The following RORB variants were observed in gnomAD, a reference collection of about 807,000 sequenced individuals.
RORB encodes nuclear receptor ROR-beta.
Under a neutral mutation model 59.1 loss-of-function variants are expected in RORB, and 6 were observed. The observed-to-expected ratio is 0.10, with a 90% CI of 0.06 to 0.20. The LOEUF is 0.20. RORB is among the 10% of genes least tolerant of loss of function. The pLI, the probability that RORB is intolerant of heterozygous loss-of-function variation, is 1.00. For missense variants in RORB, 320 were observed against 560.5 expected, an observed-to-expected ratio of 0.57 and a Z score of 4.33; for synonymous variants, 215 against 204.5, an observed-to-expected ratio of 1.05 and a Z score of -0.44.
chr9:74,586,099 G>A (rs1422772712), intron 1 of RORB, among the ~76,000 whole-genome samples: 1 of 152,052 alleles, frequency 6.6e-6, no homozygotes, highest in African/African-American at 2.4e-5. Flanking sequence ...CAGCCTCACA[G>A]GACATATTTA....
chr9:74,573,066 A>T (rs1389629340), intron 1 of RORB, among the ~76,000 whole-genome samples: 1 of 152,212 alleles, frequency 6.6e-6, no homozygotes, highest in African/African-American at 2.4e-5. Context: ...TACTAAGTAT[A>T]TAACTTGAGG....
intron 1 of RORB, among the ~76,000 whole-genome samples, chr9:74,563,474 A>C (rs1822428774): frequency 6.6e-6 from 1 of 152,138 alleles, no homozygotes; most frequent in Admixed American, 6.5e-5. Flanking sequence ...ATGAGCCATC[A>C]TGCCTGGCCC....
intron 2 of RORB, among the ~76,000 whole-genome samples, chr9:74,633,824 A>T (rs1326723682): frequency 2.6e-5 from 4 of 152,206 alleles, no homozygotes; most frequent in African/African-American, 9.6e-5. Context: ...GAGACCATTC[A>T]TTCAGTTTTT....
At chr9:74,614,265 C>T (rs751706494) in intron 1 of RORB, among the ~76,000 whole-genome samples, 16 of 152,082 alleles carry the variant, frequency 1.1e-4, no homozygotes, top group Non-Finnish European at 2.2e-4. Context: ...TGGGGTAGTA[C>T]GGAGGGCTGA....
chr9:74,530,582 G>A (rs1826223144), intron 1 of RORB, among the ~76,000 whole-genome samples: 1 of 151,980 alleles, frequency 6.6e-6, no homozygotes. Context: ...ACGGCTTGTG[G>A]TTTGTAATTA....
chr9:74,690,859 A>G lies in RORB; in HGVS notation c.*5241A>G, dbSNP rs531825050. 4 of 152,302 alleles carry G rather than the reference A, an allele frequency of 2.6e-5. No individual in the cohort carries two copies. The highest frequency in any genetic ancestry group is 9.6e-5 in the African/African-American group (4 of 41,568). The allele number at this position is 152,302 out of a possible 1,614,324, so 9.4% of individuals were successfully genotyped here. A position where few individuals can be genotyped will look rare whatever the true frequency, so the allele number is the denominator to read the frequency against. ...TTGTCTTGCCCAAACTCCCTTCTTC[A>G]TAGAGCCAGGGGGCTGGATTTCTTG... On this transcript the variant is annotated 3_prime_UTR_variant, in exon 10 of 10. Transcript: ENST00000376896.
At chr9:74,646,135 A>C (rs1000386815) in intron 4 of RORB, among the ~76,000 whole-genome samples, 1 of 152,100 alleles carries the variant, frequency 6.6e-6, no homozygotes, top group African/African-American at 2.4e-5. Flanking sequence ...ACACCAAAAA[A>C]AAAAAAAATT....
At chr9:74,629,700 T>C (rs940718000) in intron 1 of RORB, among the ~76,000 whole-genome samples, 1 of 152,200 alleles carries the variant, frequency 6.6e-6, no homozygotes, top group African/African-American at 2.4e-5. Flanking sequence ...CATTAGCATA[T>C]GTTATCCTCC....
At chr9:74,661,636 C>CTTTTTTT (rs779927558) in intron 5 of RORB, among the ~76,000 whole-genome samples, 1 of 79,590 alleles carries the variant, frequency 1.3e-5, no homozygotes, top group Non-Finnish European at 2.3e-5. Context: ...TTCTTTTTTC[C>CTTTTTTT]TTTTTTTTTT....
chr9:74,618,064 G>T (rs953477315), intron 1 of RORB, among the ~76,000 whole-genome samples: 7 of 152,034 alleles, frequency 4.6e-5, no homozygotes, highest in Admixed American at 2.6e-4. Context: ...AATATATTTA[G>T]TCATTGTAGC....
chr9:74,642,880 T>C (rs554111716), intron 4 of RORB, 65 bp downstream of exon 4: 4 of 1,249,010 alleles, frequency 3.2e-6, no homozygotes, highest in Non-Finnish European at 4.4e-6. Flanking sequence ...CTTGGTCCTA[T>C]TTAGTATGGT....
rs1410226 is a variant in RORB, at chr9:74,690,779, A to T, written c.*5161A>T. The T allele has an allele frequency of 6.6e-6, 1 of 152,114 alleles. No individual in the cohort carries two copies. The highest frequency in any genetic ancestry group is 1.9e-4 in the East Asian group (1 of 5,166). The allele number at this position is 152,114 out of a possible 1,614,324, so 9.4% of individuals were successfully genotyped here. A position where few individuals can be genotyped will look rare whatever the true frequency, so the allele number is the denominator to read the frequency against. ...GAGGTCAGTTTAAAAAATAGCAAAC[A>T]GTCTAAAAATGAAAACTATTCAATT... On this transcript the variant is annotated 3_prime_UTR_variant, in exon 10 of 10. Transcript: ENST00000376896.
Position 74,689,566 on chromosome 9 carries a change from G to T in RORB, c.*3948G>T, listed in dbSNP as rs943069070. The T allele has an allele frequency of 1.4e-4, 22 of 152,218 alleles. No individual in the cohort carries two copies. Among genetic ancestry groups the T allele is most frequent in the African/African-American group, 4.8e-4 (20 of 41,454 alleles). 9.4% of individuals were successfully genotyped at this position (152,218 alleles called of 1,614,324 possible). ...CAGAGAATATAACGATCTCCTGAGT[G>T]ATTAGATTTCTTTGGTAGATTCCAA... On this transcript the variant is annotated 3_prime_UTR_variant, in exon 10 of 10. Coordinates refer to ENST00000376896, the MANE Select transcript of RORB (RefSeq NM_006914.4).
At chr9:74,555,261 A>C (rs1266844157) in intron 1 of RORB, among the ~76,000 whole-genome samples, 1 of 152,208 alleles carries the variant, frequency 6.6e-6, no homozygotes, top group Non-Finnish European at 1.5e-5. Context: ...TCAGCATAGC[A>C]TATGACTGTA....
chr9:74,662,470 C>G lies in RORB; in HGVS notation c.760-4C>G, dbSNP rs765029760. ...ATTTACATTCTGTGTCTTCTCTCCT[C>G]AAGTCCAGGGAAGCACTGTGGCAAC... On this transcript the variant is annotated splice_region_variant and splice_polypyrimidine_tract_variant and intron_variant, in intron 5 of 9. Coordinates refer to ENST00000376896, the MANE Select transcript of RORB (RefSeq NM_006914.4). 6.2e-7 allele frequency: 1 copy of G among 1,613,914 alleles called. No homozygotes were observed. The highest frequency in any genetic ancestry group is 8.5e-7 in the Non-Finnish European group (1 of 1,179,834).
intron 1 of RORB, among the ~76,000 whole-genome samples, chr9:74,622,594 T>G (rs1823442102): frequency 7.2e-6 from 1 of 138,176 alleles, no homozygotes; most frequent in Non-Finnish European, 1.5e-5. Flanking sequence ...TGATGCGATC[T>G]CAGCTCACTG....
chr9:74,520,554 C>T (rs1826071516), intron 1 of RORB, among the ~76,000 whole-genome samples: 1 of 151,854 alleles, frequency 6.6e-6, no homozygotes, highest in Non-Finnish European at 1.5e-5. Flanking sequence ...ATCAAATCTA[C>T]TAGGTTCTTT....
intron 1 of RORB, among the ~76,000 whole-genome samples, chr9:74,556,173 G>C (rs1822288175): frequency 6.6e-6 from 1 of 152,148 alleles, no homozygotes; most frequent in Admixed American, 6.6e-5. Flanking sequence ...AAGGCTAGTG[G>C]TTGAAATAAC....
intron 9 of RORB, among the ~76,000 whole-genome samples, chr9:74,678,931 C>T (rs1423219995): frequency 6.6e-6 from 1 of 151,368 alleles, no homozygotes; most frequent in Non-Finnish European, 1.5e-5. Flanking sequence ...ACTCAGGAGG[C>T]TAAGGCAGGA....
Sources: allele counts gnomAD v4.1 joint callset (sites outside exome capture counted in the v4.1 genomes callset), GRCh38; gene constraint gnomAD v4.1.1; transcripts MANE v1.5; gene names NCBI Gene and HGNC (gene_info 2026-07-23, HGNC 2026-07-21).